Variants in CENPC observed in about 807,000 individuals in gnomAD.
The protein encoded by CENPC is CENP-C 1.
Under a neutral mutation model 112.1 loss-of-function variants are expected in CENPC, and 63 were observed. That is an observed-to-expected ratio of 0.56 (90% CI 0.46 to 0.69). The LOEUF (loss-of-function observed/expected upper bound fraction) is 0.69. CENPC is among the 30% of genes least tolerant of loss of function. The probability of loss-of-function intolerance (pLI) is 0.00; values close to 1 mark genes in which losing one functional copy is unlikely to be tolerated. For synonymous variants in CENPC, 333 were observed against 367.6 expected (o/e 0.91, Z 1.08); for missense variants, 1,000 against 1,103.8 (o/e 0.91, Z 1.33).
chr4:67,529,790 A>C (rs908261307), intron 5 of CENPC, among the ~76,000 whole-genome samples: 24 of 152,170 alleles, frequency 1.6e-4, no homozygotes, highest in Non-Finnish European at 1.6e-4. Flanking sequence ...GCTCATAGAA[A>C]GAAAAAAGGC....
chr4:67,502,324 C>G (rs950331585), intron 12 of CENPC, among the ~76,000 whole-genome samples: 2 of 152,042 alleles, frequency 1.3e-5, no homozygotes, highest in Admixed American at 1.3e-4. Context: ...ACTGACACAG[C>G]GAGTCAAAAA....
At chr4:67,507,152 G>T (rs1396975751) in intron 10 of CENPC, among the ~76,000 whole-genome samples, 1 of 152,102 alleles carries the variant, frequency 6.6e-6, no homozygotes, top group Non-Finnish European at 1.5e-5. Flanking sequence ...TGAGAGAAAT[G>T]GAGAAGACAC....
intron 5 of CENPC, among the ~76,000 whole-genome samples, chr4:67,520,770 G>A (rs1726202574): frequency 6.6e-6 from 1 of 152,208 alleles, no homozygotes; most frequent in African/African-American, 2.4e-5. Context: ...CCAGCACTTT[G>A]GGAGGCCAAA....
chr4:67,531,548 A>G (rs1726549179), intron 4 of CENPC, among the ~76,000 whole-genome samples: 1 of 152,200 alleles, frequency 6.6e-6, no homozygotes, highest in East Asian at 1.9e-4. Context: ...AAACACTGTG[A>G]TCTGTGGTGA....
At chr4:67,493,668 T>C (rs1725346596) in intron 14 of CENPC, 1 of 441,342 alleles carries the variant, frequency 2.3e-6, no homozygotes, top group Non-Finnish European at 4.1e-6. Flanking sequence ...CAATTGGAAA[T>C]CTTGTCAGAT....
chr4:67,472,379 TA>T lies in CENPC; in HGVS notation c.*225del. On this transcript the variant is annotated 3_prime_UTR_variant, in exon 19 of 19. Coordinates refer to ENST00000273853, the MANE Select transcript of CENPC (RefSeq NM_001812.4). ...TCATATTCTTGTCAAATTATAAAAA[TA>T]ATATCATAAATATGGACATCGCTAC... 5.0e-6 allele frequency: 2 copies of T among 399,474 alleles called. No individual in the cohort carries two copies. Among genetic ancestry groups the T allele is most frequent in the Non-Finnish European group, 7.7e-6 (2 of 258,172 alleles). The allele number at this position is 399,474 out of a possible 1,614,324, so 24.7% of individuals were successfully genotyped here.
Position 67,469,763 on chromosome 4 carries a change from C to T in CENPC, c.*2842G>A. ...AGTCACCCAGTTTTATGCCTGGGGG[C>T]ACTCTCCAAAACTGGACACAGAGAG... On this transcript the variant is annotated 3_prime_UTR_variant, in exon 19 of 19. Coordinates refer to ENST00000273853, the MANE Select transcript of CENPC (RefSeq NM_001812.4). 6.6e-6 allele frequency: 1 copy of T among 152,306 alleles called. No homozygotes were observed. Among genetic ancestry groups the T allele is most frequent in the Non-Finnish European group, 1.5e-5 (1 of 68,042 alleles). 9.4% of individuals were successfully genotyped at this position (152,306 alleles called of 1,614,324 possible). A position where few individuals can be genotyped will look rare whatever the true frequency, so the allele number is the denominator to read the frequency against.
rs543185121 is a variant in CENPC at position 67,514,639 on chromosome 4, G to A, written c.879C>T (p.Pro293=). 6.8e-6 allele frequency: 11 copies of A among 1,607,848 alleles called. No homozygotes were observed. The highest frequency in any genetic ancestry group is 6.7e-5 in the Admixed American group (4 of 59,416). ...CATCCTCTATCAACTTCGTATCATC[G>A]GGAGGACACGAATGAGGTGGAGCAG... ...AATAPPHSCP[P]DDTKLIEDEF... Residue 293 remains proline, a synonymous_variant, in exon 8 of 19, where the codon CCC becomes CCT. Coordinates refer to ENST00000273853, the MANE Select transcript of CENPC (RefSeq NM_001812.4).
intron 3 of CENPC, 83 bp from the exon 4 acceptor site, chr4:67,540,017 T>C: frequency 4.6e-6 from 3 of 649,108 alleles, no homozygotes; most frequent in Non-Finnish European, 4.9e-6. Flanking sequence ...GTATATGACA[T>C]GTGAAGAACC....
chr4:67,472,376 AAAT>A lies in CENPC; in HGVS notation c.*226_*228del. 2.5e-6 allele frequency: 1 copy of A among 393,280 alleles called. No homozygotes were observed. Among genetic ancestry groups the A allele is most frequent in the Non-Finnish European group, 3.9e-6 (1 of 254,218 alleles). 24.4% of individuals were successfully genotyped at this position (393,280 alleles called of 1,614,324 possible). A position where few individuals can be genotyped will look rare whatever the true frequency, so the allele number is the denominator to read the frequency against. ...TTTTCATATTCTTGTCAAATTATAA[AAAT>A]AATATCATAAATATGGACATCGCTA... is the stretch of plus-strand genomic sequence containing the variant. On this transcript the variant is annotated 3_prime_UTR_variant, in exon 19 of 19. Transcript: ENST00000273853.
chr4:67,532,750 G>C (rs1726593917), intron 4 of CENPC, among the ~76,000 whole-genome samples: 1 of 151,892 alleles, frequency 6.6e-6, no homozygotes, highest in Non-Finnish European at 1.5e-5. Context: ...CCTGCTGGGG[G>C]GTAGGGGGAG....
rs558373327 is a variant in CENPC at position 67,469,533 on chromosome 4, C to T, written c.*3072G>A. 6.6e-5 allele frequency: 10 copies of T among 152,300 alleles called. No homozygotes were observed. Among genetic ancestry groups the T allele is most frequent in the East Asian group, 1.9e-4 (1 of 5,204 alleles). 9.4% of individuals were successfully genotyped at this position (152,300 alleles called of 1,614,324 possible). A position where few individuals can be genotyped will look rare whatever the true frequency, so the allele number is the denominator to read the frequency against. ...GCTAACTTTTGTATTTTAGTAGAGA[C>T]GGGGTTTCACCATGTTAGCCAGGCT... On this transcript the variant is annotated 3_prime_UTR_variant, in exon 19 of 19. Coordinates refer to ENST00000273853, the MANE Select transcript of CENPC (RefSeq NM_001812.4).
At chr4:67,523,582 A>G (rs1044136683) in intron 5 of CENPC, among the ~76,000 whole-genome samples, 2 of 152,338 alleles carry the variant, frequency 1.3e-5, no homozygotes, top group Non-Finnish European at 2.9e-5. Context: ...AGAGACATCA[A>G]TATGAACTTA....
At chr4:67,478,870 T>G (rs1351317767) in intron 17 of CENPC, among the ~76,000 whole-genome samples, 1 of 151,914 alleles carries the variant, frequency 6.6e-6, no homozygotes, top group East Asian at 1.9e-4. Flanking sequence ...GGTAAAGAAG[T>G]AGTAAAAGAT....
rs1401832574 is a variant in CENPC, at chr4:67,491,445, TCATA to T, written c.2515+731_2515+734del. Among the ~76,000 whole-genome samples the T allele has an allele frequency of 4.3e-3, 274 of 64,082 alleles. 7 individuals carry two copies. Among genetic ancestry groups the T allele is most frequent in the African/African-American group, 7.2e-3 (122 of 16,836 alleles). 42.0% of individuals were successfully genotyped at this position (64,082 alleles called of 152,430 possible). ...ACAGTTGTTAATATATTTAAATATTTCATATATATATATATATATATATATATAT... is the reference window on the plus strand; with the variant it reads ...ACAGTTGTTAATATATTTAAATATTTTATATATATATATATATATATATAT... On this transcript the variant is annotated intron_variant, in intron 16 of 18. Transcript: ENST00000273853.
chr4:67,504,815 C>T (rs1024744350), intron 12 of CENPC, among the ~76,000 whole-genome samples: 10 of 151,828 alleles, frequency 6.6e-5, no homozygotes, highest in Non-Finnish European at 1.0e-4. Context: ...GAGCGAGACT[C>T]CGTCTCAAAC....
At chr4:67,476,277 A>T (rs567250256) in intron 17 of CENPC, among the ~76,000 whole-genome samples, 18 of 152,172 alleles carry the variant, frequency 1.2e-4, no homozygotes, top group African/African-American at 3.4e-4. Flanking sequence ...GAATTCACAG[A>T]CTCTTTGAAA....
At chr4:67,513,813 C>T (rs1302015745) in intron 8 of CENPC, among the ~76,000 whole-genome samples, 1 of 152,012 alleles carries the variant, frequency 6.6e-6, no homozygotes, top group African/African-American at 2.4e-5. Flanking sequence ...TATTCATCTT[C>T]CGATACTAAC....
Position 67,514,653 on chromosome 4 carries a change from G to A in CENPC, c.865C>T (p.His289Tyr), listed in dbSNP as rs770479502. Residue 289 changes from histidine to tyrosine, a missense_variant, in exon 8 of 19, where the codon CAT becomes TAT. Physicochemically the swap from His to Tyr is moderately conservative, Grantham distance 83. Coordinates refer to ENST00000273853, the MANE Select transcript of CENPC (RefSeq NM_001812.4). ...IVRHAATAPP[H>Y]SCPPDDTKLI... Reference sequence around the variant, plus strand: ...TTCGTATCATCGGGAGGACACGAATGAGGTGGAGCAGTTGCCGCATGCCTA... The same window carrying A: ...TTCGTATCATCGGGAGGACACGAATAAGGTGGAGCAGTTGCCGCATGCCTA... 2.0e-5 allele frequency: 32 copies of A among 1,608,720 alleles called. No individual in the cohort carries two copies. Among genetic ancestry groups the A allele is most frequent in the Non-Finnish European group, 2.6e-5 (31 of 1,177,830 alleles).
Sources: allele counts gnomAD v4.1 joint callset (sites outside exome capture counted in the v4.1 genomes callset), GRCh38; gene constraint gnomAD v4.1.1; transcripts MANE v1.5; gene names NCBI Gene and HGNC (gene_info 2026-07-23, HGNC 2026-07-21).